The following LRRTM4 variants were observed in gnomAD, a reference collection of about 807,000 sequenced individuals.
LRRTM4 encodes the protein leucine rich repeat transmembrane neuronal 4.
Under a neutral mutation model 47.6 loss-of-function variants are expected in LRRTM4, and 25 were observed. That is an observed-to-expected ratio of 0.53 (90% CI 0.38 to 0.73). LRRTM4 has a LOEUF of 0.73. LRRTM4 is among the 30% of genes least tolerant of loss of function. The pLI is 0.00. For synonymous variants in LRRTM4, 311 were observed against 269.5 expected (o/e 1.15, Z -1.51); for missense variants, 638 against 713.4 (o/e 0.89, Z 1.20).
At chr2:76,749,499 C>T (rs1163562732) in intron 3 of LRRTM4, among the ~76,000 whole-genome samples, 2 of 151,868 alleles carry the variant, frequency 1.3e-5, no homozygotes, top group African/African-American at 2.4e-5. Context: ...TCACAATTTC[C>T]TATAGATTAA....
At chr2:77,502,510 T>A (rs1465128295) in intron 3 of LRRTM4, among the ~76,000 whole-genome samples, 2 of 151,646 alleles carry the variant, frequency 1.3e-5, no homozygotes, top group Non-Finnish European at 3.0e-5. Flanking sequence ...AAAGAAGATA[T>A]GTAATTATCT....
intron 3 of LRRTM4, among the ~76,000 whole-genome samples, chr2:76,986,484 T>C (rs150019491): frequency 7.6e-4 from 115 of 152,082 alleles, no homozygotes; most frequent in Non-Finnish European, 1.1e-3. Flanking sequence ...TCTTCTCTTC[T>C]GCAAAGAAAC....
In LRRTM4 at chr2:76,890,119, T is replaced by C. The variant is rs150825821; in HGVS notation, c.1552-141203A>G. Reference sequence around the variant, plus strand: ...ACACTATCAAAAGCAAGACGGAATCTGAGATTTTTGGAGTTGGATTTCATC... The same window carrying C: ...ACACTATCAAAAGCAAGACGGAATCCGAGATTTTTGGAGTTGGATTTCATC... On this transcript the variant is annotated intron_variant, in intron 3 of 3. Coordinates refer to ENST00000409884, the MANE Select transcript of LRRTM4 (RefSeq NM_001134745.3). 1.1e-4 allele frequency among the ~76,000 whole-genome samples: 17 copies of C among 152,128 alleles called. No individual in the cohort carries two copies. The East Asian group carries it at 1.5e-3, about 14-fold the overall frequency.
At chr2:77,112,582 G>T (rs1248481233) in intron 3 of LRRTM4, among the ~76,000 whole-genome samples, 1 of 146,882 alleles carries the variant, frequency 6.8e-6, no homozygotes, top group African/African-American at 2.7e-5. Flanking sequence ...ACTTATGAAA[G>T]GTTTAAGCAA....
chr2:77,497,672 T>C (rs542609618), intron 3 of LRRTM4, among the ~76,000 whole-genome samples: 58 of 151,054 alleles, frequency 3.8e-4, no homozygotes, highest in African/African-American at 1.1e-3. Flanking sequence ...TGTGTATATA[T>C]GGATTTGTAT....
intron 3 of LRRTM4, among the ~76,000 whole-genome samples, chr2:76,934,476 TCA>T (rs1188860805): frequency 1.3e-5 from 2 of 152,208 alleles, no homozygotes; most frequent in Admixed American, 6.5e-5. Context: ...TGTGCCTTTC[TCA>T]CACAGTTGTT....
intron 3 of LRRTM4, among the ~76,000 whole-genome samples, chr2:77,348,734 CTT>C (rs1188439335): frequency 3.3e-5 from 5 of 150,300 alleles, no homozygotes; most frequent in Middle Eastern, 3.6e-3. Context: ...ATAACCACCT[CTT>C]ATGTACGTTT....
intron 3 of LRRTM4, among the ~76,000 whole-genome samples, chr2:77,450,927 T>G (rs937622301): frequency 6.6e-6 from 1 of 152,212 alleles, no homozygotes; most frequent in African/African-American, 2.4e-5. Flanking sequence ...ATGTTTTAAT[T>G]TTTAAATGTA....
At chr2:77,052,673 C>G (rs958751697) in intron 3 of LRRTM4, among the ~76,000 whole-genome samples, 1 of 151,668 alleles carries the variant, frequency 6.6e-6, no homozygotes, top group Non-Finnish European at 1.5e-5. Flanking sequence ...ATTTTATAAG[C>G]ATTGCTTTTC....
chr2:77,210,992 G>A (rs559804167), intron 3 of LRRTM4, among the ~76,000 whole-genome samples: 1 of 152,202 alleles, frequency 6.6e-6, no homozygotes, highest in African/African-American at 2.4e-5. Context: ...TGTAGTCACT[G>A]TACGCTAATG....
chr2:77,207,893 T>TTTTTTTG (rs1674184420), intron 3 of LRRTM4, among the ~76,000 whole-genome samples: 9 of 142,410 alleles, frequency 6.3e-5, no homozygotes, highest in Non-Finnish European at 1.1e-4. Context: ...TTTTTTTTTT[T>TTTTTTTG]GTGAGATGTA....
chr2:77,397,047 A>G (rs993565467), intron 3 of LRRTM4, among the ~76,000 whole-genome samples: 1 of 151,912 alleles, frequency 6.6e-6, no homozygotes, highest in African/African-American at 2.4e-5. Context: ...TACTAAGTGT[A>G]AAGAGGATGC....
At chr2:76,771,531 C>G (rs1408879163) in intron 3 of LRRTM4, among the ~76,000 whole-genome samples, 1 of 151,822 alleles carries the variant, frequency 6.6e-6, no homozygotes, top group Non-Finnish European at 1.5e-5. Context: ...AAGTAGCTGC[C>G]TGGAGGAGCT....
intron 3 of LRRTM4, among the ~76,000 whole-genome samples, chr2:76,786,425 T>C (rs1674675017): frequency 6.6e-6 from 1 of 152,140 alleles, no homozygotes; most frequent in African/African-American, 2.4e-5. Context: ...TTTTTATCTT[T>C]TCAGTTCTTA....
At chr2:76,848,812 A>T (rs1448176536) in intron 3 of LRRTM4, among the ~76,000 whole-genome samples, 1 of 152,160 alleles carries the variant, frequency 6.6e-6, no homozygotes, top group Admixed American at 6.6e-5. Context: ...TTTTCTGAAG[A>T]ATATTTGGAA....
At chr2:76,795,724 C>A (rs1443347033) in intron 3 of LRRTM4, among the ~76,000 whole-genome samples, 1 of 152,084 alleles carries the variant, frequency 6.6e-6, no homozygotes, top group Non-Finnish European at 1.5e-5. Flanking sequence ...GATGTCGTTT[C>A]CTTTGGATAC....
chr2:77,427,868 T>C (rs898064536), intron 3 of LRRTM4, among the ~76,000 whole-genome samples: 1 of 152,200 alleles, frequency 6.6e-6, no homozygotes, highest in Non-Finnish European at 1.5e-5. Flanking sequence ...AAGAGTAGCA[T>C]AAATTTGCCA....
intron 3 of LRRTM4, among the ~76,000 whole-genome samples, chr2:77,167,478 T>A (rs1672919420): frequency 6.6e-6 from 1 of 152,312 alleles, no homozygotes. Context: ...TTATAAATCA[T>A]GCTGCTATAA....
intron 3 of LRRTM4, among the ~76,000 whole-genome samples, chr2:76,998,552 C>T (rs983215783): frequency 2.0e-5 from 3 of 152,036 alleles, no homozygotes; most frequent in Non-Finnish European, 2.9e-5. Flanking sequence ...ACTATGAAGT[C>T]AAAAACTTCA....
Sources: allele counts gnomAD v4.1 joint callset (sites outside exome capture counted in the v4.1 genomes callset), GRCh38; gene constraint gnomAD v4.1.1; transcripts MANE v1.5; gene names NCBI Gene and HGNC (gene_info 2026-07-23, HGNC 2026-07-21).